The following SLC44A5 variants were observed in gnomAD, a reference collection of about 807,000 sequenced individuals.
The protein encoded by SLC44A5 is choline transporter-like protein 5.
SLC44A5 carries 57 observed loss-of-function variants against 101.8 expected under a neutral mutation model. That is an observed-to-expected ratio of 0.56 (90% CI 0.45 to 0.70). The LOEUF (loss-of-function observed/expected upper bound fraction) is 0.70. Among genes scored for constraint, SLC44A5 ranks in the 30% least tolerant of loss-of-function variants. The probability of loss-of-function intolerance (pLI) is 0.00; values close to 1 mark genes in which losing one functional copy is unlikely to be tolerated. For missense variants in SLC44A5, 737 were observed against 853.1 expected (o/e 0.86, Z 1.70); for synonymous variants, 281 against 290.9 (o/e 0.97, Z 0.35).
the SLC44A5 span, among the ~76,000 whole-genome samples, chr1:75,644,201 A>C: frequency 6.6e-6 from 1 of 152,180 alleles, no homozygotes; most frequent in Non-Finnish European, 1.5e-5. Context: ...TAGTAAAAAA[A>C]ATTTAGCATA....
chr1:75,563,585 A>T (rs971764947), intron 1 of SLC44A5, among the ~76,000 whole-genome samples: 1 of 152,106 alleles, frequency 6.6e-6, no homozygotes, highest in African/African-American at 2.4e-5. Flanking sequence ...AATACCTTAA[A>T]ATAAATTATA....
At chr1:75,586,809 G>GATACACC (rs1674029154) in intron 1 of SLC44A5, among the ~76,000 whole-genome samples, 2 of 152,090 alleles carry the variant, frequency 1.3e-5, no homozygotes, top group Admixed American at 6.5e-5. Flanking sequence ...TACCCCAAGG[G>GATACACC]CCTAGCACGG....
At chr1:75,321,084 T>G (rs371645878) in intron 4 of SLC44A5, among the ~76,000 whole-genome samples, 79 of 151,774 alleles carry the variant, frequency 5.2e-4, no homozygotes, top group East Asian at 5.0e-3. Context: ...TATTTATAAC[T>G]TTATGACATT....
intron 4 of SLC44A5, among the ~76,000 whole-genome samples, chr1:75,325,546 T>C (rs1373026625): frequency 9.2e-5 from 14 of 152,162 alleles, no homozygotes; most frequent in Admixed American, 9.2e-4. Flanking sequence ...GCAAGTACAG[T>C]ATAATAAGGT....
intron 3 of SLC44A5, among the ~76,000 whole-genome samples, chr1:75,343,635 T>C (rs549045327): frequency 6.6e-6 from 1 of 152,290 alleles, no homozygotes; most frequent in East Asian, 1.9e-4. Flanking sequence ...GTGGGATGAA[T>C]ACATGTTCTA....
At chr1:75,555,583 A>T (rs1219099700) in intron 1 of SLC44A5, among the ~76,000 whole-genome samples, 4 of 152,068 alleles carry the variant, frequency 2.6e-5, no homozygotes, top group Non-Finnish European at 5.9e-5. Context: ...TGCCCGTTCA[A>T]AGCCAAGCCA....
chr1:75,441,903 T>C (rs1312471123), intron 2 of SLC44A5, among the ~76,000 whole-genome samples: 1 of 152,152 alleles, frequency 6.6e-6, no homozygotes, highest in Non-Finnish European at 1.5e-5. Context: ...GTATAAGTGA[T>C]TTGAACAACT....
At position 75,274,918 on chromosome 1, in the gene SLC44A5, A is replaced by G. The variant is rs980348774; in HGVS notation, c.260+40T>C. On this transcript the variant is annotated intron_variant, in intron 6 of 23. Transcript: ENST00000370859. ...AAAAGTGATATCTAGGTTCCAGTTT[A>G]GACAGTAAAATCACACAAAGCAAAG... The G allele has an allele frequency of 2.7e-6, 4 of 1,488,274 alleles. No individual in the cohort carries two copies. In the Admixed American group the frequency reaches 7.0e-5, roughly 26 times the overall value. 92.2% of individuals were successfully genotyped at this position (1,488,274 alleles called of 1,614,324 possible). A position where few individuals can be genotyped will look rare whatever the true frequency, so the allele number is the denominator to read the frequency against.
At chr1:75,723,716 CTT>C in the SLC44A5 span, 1 of 152,190 alleles carries the variant, frequency 6.6e-6, no homozygotes, top group African/African-American at 2.4e-5. Context: ...AAACTCAGCT[CTT>C]TATCCCTTTT....
intron 1 of SLC44A5, among the ~76,000 whole-genome samples, chr1:75,572,372 A>T (rs2102040716): frequency 6.6e-6 from 1 of 152,328 alleles, no homozygotes; most frequent in Middle Eastern, 3.4e-3. Context: ...CTATTAGTGA[A>T]GTGTTCAAGC....
intron 1 of SLC44A5, among the ~76,000 whole-genome samples, chr1:75,610,149 A>ACG (rs2102182074): frequency 1.5e-5 from 2 of 133,398 alleles, no homozygotes; most frequent in African/African-American, 5.6e-5. Flanking sequence ...ACACACACAC[A>ACG]CACACACACA....
chr1:75,347,801 A>G (rs1658363864), intron 3 of SLC44A5, among the ~76,000 whole-genome samples: 1 of 152,122 alleles, frequency 6.6e-6, no homozygotes, highest in Non-Finnish European at 1.5e-5. Context: ...CAAAGATACA[A>G]TAGCCTGGAT....
intron 3 of SLC44A5, among the ~76,000 whole-genome samples, chr1:75,358,437 C>T (rs1270059746): frequency 6.6e-6 from 1 of 152,110 alleles, no homozygotes; most frequent in African/African-American, 2.4e-5. Context: ...TTTTTTCTAG[C>T]TTTATCAATG....
chr1:75,507,467 T>A (rs1180244074), intron 2 of SLC44A5, among the ~76,000 whole-genome samples: 3 of 152,170 alleles, frequency 2.0e-5, no homozygotes, highest in Non-Finnish European at 4.4e-5. Flanking sequence ...TTGTTGAGAA[T>A]TTTTTTGTGT....
At chr1:75,326,688 G>A (rs1656624036) in intron 4 of SLC44A5, among the ~76,000 whole-genome samples, 2 of 152,192 alleles carry the variant, frequency 1.3e-5, no homozygotes, top group Admixed American at 6.5e-5. Flanking sequence ...TGGGGAGGAA[G>A]TTGATGGCAG....
intron 2 of SLC44A5, among the ~76,000 whole-genome samples, chr1:75,434,686 G>A (rs1474933468): frequency 2.6e-5 from 4 of 151,794 alleles, no homozygotes; most frequent in African/African-American, 9.7e-5. Flanking sequence ...CCCACCTCAC[G>A]CCTCCCACCT....
At chr1:75,289,375 A>G (rs1292226721) in intron 5 of SLC44A5, among the ~76,000 whole-genome samples, 1 of 152,134 alleles carries the variant, frequency 6.6e-6, no homozygotes, top group Admixed American at 6.5e-5. Context: ...GAAAATAACT[A>G]TTCTTCTTTT....
At chr1:75,700,338 C>G in the SLC44A5 span, among the ~76,000 whole-genome samples, 3 of 152,104 alleles carry the variant, frequency 2.0e-5, no homozygotes, top group Non-Finnish European at 4.4e-5. Flanking sequence ...AACTAGAACT[C>G]AGGATTAAGA....
chr1:75,339,783 T>C, intron 3 of SLC44A5, 153 bp from the exon 4 acceptor site: 1 of 584,470 alleles, frequency 1.7e-6, no homozygotes, highest in Non-Finnish European at 2.9e-6. Flanking sequence ...TATGTCTTGG[T>C]TACAGTTGTC....
Sources: allele counts gnomAD v4.1 joint callset (sites outside exome capture counted in the v4.1 genomes callset), GRCh38; gene constraint gnomAD v4.1.1; transcripts MANE v1.5; gene names NCBI Gene and HGNC (gene_info 2026-07-23, HGNC 2026-07-21).